Variants in COMMD10 observed in about 807,000 individuals in gnomAD.
COMMD10 encodes COMM domain-containing protein 10.
Under a neutral mutation model 28.9 loss-of-function variants are expected in COMMD10, and 33 were observed. The observed-to-expected ratio is 1.14, with a 90% CI of 0.87 to 1.53. COMMD10 has a LOEUF of 1.53. COMMD10 is among the 40% of genes most tolerant of loss of function. The probability of loss-of-function intolerance (pLI) is 0.00; values close to 1 mark genes in which losing one functional copy is unlikely to be tolerated. For synonymous variants in COMMD10, 110 were observed against 81.7 expected (o/e 1.35, Z -1.87); for missense variants, 310 against 233.4 (o/e 1.33, Z -2.14).
intron 5 of COMMD10, among the ~76,000 whole-genome samples, chr5:116,183,258 A>G (rs1009472824): frequency 3.3e-5 from 5 of 152,114 alleles, no homozygotes; most frequent in Admixed American, 2.6e-4. Context: ...TTTATAGGGG[A>G]GACTAAGGAT....
intron 5 of COMMD10, among the ~76,000 whole-genome samples, chr5:116,231,471 C>T (rs1749527632): frequency 6.6e-6 from 1 of 152,064 alleles, no homozygotes; most frequent in Admixed American, 6.6e-5. Context: ...TGTATTTATT[C>T]AGCGAGTCGT....
At chr5:116,216,525 T>G (rs1033254861) in intron 5 of COMMD10, among the ~76,000 whole-genome samples, 1 of 151,942 alleles carries the variant, frequency 6.6e-6, no homozygotes, top group African/African-American at 2.4e-5. Flanking sequence ...GAAATTTCTT[T>G]TTTTGTTTTT....
At position 116,276,328 on chromosome 5, in the gene COMMD10, C is replaced by T. The variant is rs141782281; in HGVS notation, c.511-15189C>T. On this transcript the variant is annotated intron_variant, in intron 5 of 6. Coordinates refer to ENST00000274458, the MANE Select transcript of COMMD10 (RefSeq NM_016144.4). ...AGTGCAATGGCACTATCTCAACTTACTGTAACCTCCACCTCCCAGGTTCAA... is the reference window on the plus strand; with the variant it reads ...AGTGCAATGGCACTATCTCAACTTATTGTAACCTCCACCTCCCAGGTTCAA... Among the ~76,000 whole-genome samples, 445 of 151,822 alleles carry T rather than the reference C, an allele frequency of 2.9e-3. 6 individuals are homozygous for T. The highest frequency in any genetic ancestry group is 5.9e-3 in the African/African-American group (245 of 41,206).
chr5:116,112,197 A>G (rs909119438), intron 4 of COMMD10, among the ~76,000 whole-genome samples: 7 of 151,730 alleles, frequency 4.6e-5, no homozygotes, highest in East Asian at 3.9e-4. Flanking sequence ...TCGATGTAGA[A>G]CTCTTGACTG....
chr5:116,167,798 C>A (rs1001677175), intron 5 of COMMD10, among the ~76,000 whole-genome samples: 1 of 152,044 alleles, frequency 6.6e-6, no homozygotes, highest in Non-Finnish European at 1.5e-5. Flanking sequence ...ATTTTGTTAC[C>A]ACCAGGGCTG....
At chr5:116,147,442 A>G (rs1752386723) in intron 5 of COMMD10, among the ~76,000 whole-genome samples, 1 of 151,882 alleles carries the variant, frequency 6.6e-6, no homozygotes, top group Non-Finnish European at 1.5e-5. Context: ...TAAATGTTTG[A>G]TTCCTAAGTA....
At chr5:116,141,106 G>T (rs561329248) in intron 5 of COMMD10, among the ~76,000 whole-genome samples, 1 of 151,448 alleles carries the variant, frequency 6.6e-6, no homozygotes, top group Non-Finnish European at 1.5e-5. Flanking sequence ...TTTGATTTTT[G>T]TGTATGGTGT....
At chr5:116,169,926 C>T (rs1753264328) in intron 5 of COMMD10, among the ~76,000 whole-genome samples, 1 of 152,072 alleles carries the variant, frequency 6.6e-6, no homozygotes, top group African/African-American at 2.4e-5. Flanking sequence ...TGAAAACCGG[C>T]AGAAGACAGC....
intron 5 of COMMD10, among the ~76,000 whole-genome samples, chr5:116,136,465 A>G (rs1477305226): frequency 6.6e-6 from 1 of 152,202 alleles, no homozygotes; most frequent in Non-Finnish European, 1.5e-5. Flanking sequence ...GAAGTGTACT[A>G]TTTTGACCAC....
chr5:116,267,260 C>G (rs564307940), intron 5 of COMMD10, among the ~76,000 whole-genome samples: 32 of 152,026 alleles, frequency 2.1e-4, no homozygotes, highest in African/African-American at 6.8e-4. Context: ...TCTCAGGACA[C>G]AAAATCAATG....
intron 5 of COMMD10, among the ~76,000 whole-genome samples, chr5:116,212,496 C>CTGTGTGTGTGTGTGTGTGTGTG (rs11268771): frequency 0.045 from 2,896 of 63,778 alleles, 170 homozygotes; most frequent in African/African-American, 0.089. Context: ...TACTGAAATG[C>CTGTGTGTGTGTGTGTGTGTGTG]TGTGTGTGTG....
At chr5:116,150,736 A>G (rs1752497148) in intron 5 of COMMD10, among the ~76,000 whole-genome samples, 1 of 134,912 alleles carries the variant, frequency 7.4e-6, no homozygotes, top group African/African-American at 2.8e-5. Context: ...GAAGTTGCTT[A>G]TCAGCTTAAG....
chr5:116,085,092 A>C lies in COMMD10; in HGVS notation c.40A>C (p.Ser14Arg), dbSNP rs746765415. Residue 14 changes from serine to arginine, a missense_variant and splice_region_variant, in exon 1 of 7, where the codon AGC (serine) becomes CGC (arginine). Coordinates refer to ENST00000274458, the MANE Select transcript of COMMD10 (RefSeq NM_016144.4). ...PAALILRESP[S>R]MKKAVSLINA... ...GGCGCTGATCCTACGGGAGAGCCCC[A>C]GGTAGCTGATCCGTTAAGCTCTTGC... The C allele has an allele frequency of 2.5e-6, 4 of 1,609,922 alleles. No homozygotes were observed. Among genetic ancestry groups the C allele is most frequent in the Non-Finnish European group, 3.4e-6 (4 of 1,178,950 alleles).
At chr5:116,262,842 G>A (rs558212437) in intron 5 of COMMD10, among the ~76,000 whole-genome samples, 3 of 151,774 alleles carry the variant, frequency 2.0e-5, no homozygotes, top group East Asian at 1.9e-4. Context: ...TTACAATCTG[G>A]TATTTAAAAT....
rs773187074 is a variant in COMMD10, at chr5:116,085,090, C to A, written c.38C>A (p.Pro13His). ...VPAALILRES[P>H]SMKKAVSLIN... is the part of the protein sequence containing the mutation. ...GCGGCGCTGATCCTACGGGAGAGCC[C>A]CAGGTAGCTGATCCGTTAAGCTCTT... Residue 13 changes from proline to histidine, a missense_variant, in exon 1 of 7, where the codon CCC becomes CAC. Physicochemically the swap from Pro to His is moderately conservative, Grantham distance 77. Coordinates refer to ENST00000274458, the MANE Select transcript of COMMD10 (RefSeq NM_016144.4). 1.2e-6 allele frequency: 2 copies of A among 1,609,952 alleles called. No homozygotes were observed. Among genetic ancestry groups the A allele is most frequent in the South Asian group, 1.1e-5 (1 of 90,206 alleles).
At chr5:116,253,210 G>A (rs1174184899) in intron 5 of COMMD10, among the ~76,000 whole-genome samples, 2 of 120,034 alleles carry the variant, frequency 1.7e-5, no homozygotes, top group East Asian at 4.9e-4. Context: ...AGACAATGGG[G>A]TTTTCTAGAT....
At chr5:116,290,477 C>A (rs1419003108) in intron 5 of COMMD10, among the ~76,000 whole-genome samples, 1 of 151,800 alleles carries the variant, frequency 6.6e-6, no homozygotes, top group African/African-American at 2.4e-5. Flanking sequence ...GCCCCATTGA[C>A]TCTTCTGGAA....
At position 116,278,225 on chromosome 5, in the gene COMMD10, A is replaced by G. The variant is rs570178549; in HGVS notation, c.511-13292A>G. Among the ~76,000 whole-genome samples, 11 of 151,930 alleles carry G rather than the reference A, an allele frequency of 7.2e-5. No homozygotes were observed. In the South Asian group the frequency reaches 1.2e-3, roughly 17 times the overall value. On this transcript the variant is annotated intron_variant, in intron 5 of 6. Transcript: ENST00000274458. ...AAAGCTCCATTGTTTTTAGCTGTCAATGCTCTTTTCAACCTAGTTTCTCAC... is the reference window on the plus strand; with the variant it reads ...AAAGCTCCATTGTTTTTAGCTGTCAGTGCTCTTTTCAACCTAGTTTCTCAC...
At position 116,277,283 on chromosome 5, in the gene COMMD10, G is replaced by A. The variant is rs1448481710; in HGVS notation, c.511-14234G>A. On this transcript the variant is annotated intron_variant, in intron 5 of 6. Transcript: ENST00000274458. ...AAATATATCAACTCATTTAAACCAT[G>A]TACTTTTTAGAATATGCATCATTTG... Among the ~76,000 whole-genome samples, 4 of 151,898 alleles carry A rather than the reference G, an allele frequency of 2.6e-5. 1 individual carries two copies. In the South Asian group the frequency reaches 8.3e-4, roughly 32 times the overall value.
Sources: allele counts gnomAD v4.1 joint callset (sites outside exome capture counted in the v4.1 genomes callset), GRCh38; gene constraint gnomAD v4.1.1; transcripts MANE v1.5; gene names NCBI Gene and HGNC (gene_info 2026-07-23, HGNC 2026-07-21).